Variants in GPC6 observed in about 807,000 individuals in gnomAD.
GPC6 encodes the protein glypican 6.
In GPC6, 14 loss-of-function variants were observed where a neutral mutation model predicts 55.2. The ratio of observed to expected loss-of-function variants is 0.25; its 90% CI spans 0.17 to 0.40. The LOEUF is 0.40. GPC6 is among the 10% of genes least tolerant of loss of function. GPC6 has a pLI of 1.00. For missense variants in GPC6, 641 were observed against 708.5 expected (o/e 0.90, Z 1.08); for synonymous variants, 278 against 259.6 (o/e 1.07, Z -0.68).
chr13:93,277,097 A>G (rs1877782466), intron 1 of GPC6, among the ~76,000 whole-genome samples: 1 of 152,068 alleles, frequency 6.6e-6, no homozygotes, highest in Non-Finnish European at 1.5e-5. Context: ...TCCCTGTTAC[A>G]TTTCCTATAA....
At chr13:93,780,369 G>A (rs1885600895) in intron 2 of GPC6, among the ~76,000 whole-genome samples, 1 of 151,404 alleles carries the variant, frequency 6.6e-6, no homozygotes, top group African/African-American at 2.4e-5. Flanking sequence ...ATTTGCTATT[G>A]TAAACAATTA....
intron 2 of GPC6, among the ~76,000 whole-genome samples, chr13:93,624,614 G>C (rs1158698656): frequency 6.6e-6 from 1 of 152,180 alleles, no homozygotes; most frequent in Non-Finnish European, 1.5e-5. Context: ...TAGCACTTAG[G>C]AGAAAACCAC....
intron 2 of GPC6, among the ~76,000 whole-genome samples, chr13:93,695,820 T>A (rs1423532761): frequency 3.9e-5 from 6 of 152,134 alleles, no homozygotes; most frequent in African/African-American, 1.4e-4. Context: ...AATTGGTACT[T>A]TATTTTCACT....
chr13:93,785,516 G>T (rs1030095930), intron 2 of GPC6, among the ~76,000 whole-genome samples: 1 of 152,100 alleles, frequency 6.6e-6, no homozygotes, highest in Non-Finnish European at 1.5e-5. Flanking sequence ...CGTAGATCAC[G>T]ATTTGAGAAG....
chr13:93,418,816 T>C (rs1876810081), intron 1 of GPC6, among the ~76,000 whole-genome samples: 1 of 149,850 alleles, frequency 6.7e-6, no homozygotes, highest in African/African-American at 2.5e-5. Context: ...CACTATACCA[T>C]AGCATCACTT....
intron 2 of GPC6, among the ~76,000 whole-genome samples, chr13:93,611,188 T>C (rs1239857091): frequency 6.6e-6 from 1 of 152,094 alleles, no homozygotes; most frequent in Non-Finnish European, 1.5e-5. Context: ...AATCTTTCCA[T>C]AGGGTAAAAT....
chr13:93,665,416 A>G (rs1032577580), intron 2 of GPC6, among the ~76,000 whole-genome samples: 1 of 152,202 alleles, frequency 6.6e-6, no homozygotes, highest in East Asian at 1.9e-4. Context: ...ATATAGGTCT[A>G]TAGATAACTA....
chr13:93,768,530 G>T (rs1252423336), intron 2 of GPC6, among the ~76,000 whole-genome samples: 3 of 152,128 alleles, frequency 2.0e-5, no homozygotes, highest in Non-Finnish European at 4.4e-5. Context: ...TGGGTTGAAT[G>T]AATGAATGAA....
At chr13:94,350,621 G>C (rs1878493497) in intron 6 of GPC6, among the ~76,000 whole-genome samples, 1 of 152,058 alleles carries the variant, frequency 6.6e-6, no homozygotes, top group African/African-American at 2.4e-5. Context: ...AAATACATGA[G>C]ATATGAATAT....
chr13:93,907,469 TATTCC>T (rs1876732388), intron 3 of GPC6, among the ~76,000 whole-genome samples: 3 of 152,206 alleles, frequency 2.0e-5, no homozygotes, highest in Non-Finnish European at 4.4e-5. Flanking sequence ...AAACGATCTG[TATTCC>T]TTAATCACTT....
intron 3 of GPC6, among the ~76,000 whole-genome samples, chr13:93,871,547 A>G (rs866030513): frequency 5.3e-5 from 8 of 151,996 alleles, no homozygotes; most frequent in Admixed American, 1.3e-4. Context: ...GGATTTCACA[A>G]TAACACTTCA....
intron 2 of GPC6, among the ~76,000 whole-genome samples, chr13:93,704,131 A>G (rs1369271138): frequency 6.6e-6 from 1 of 151,922 alleles, no homozygotes. Flanking sequence ...ATTACAAATT[A>G]TCCCTCGTGC....
chr13:93,868,676 T>A (rs563938521), intron 3 of GPC6, among the ~76,000 whole-genome samples: 1 of 151,996 alleles, frequency 6.6e-6, no homozygotes, highest in East Asian at 2.0e-4. Flanking sequence ...TAGAAGTATT[T>A]GTCTCACCAA....
intron 2 of GPC6, among the ~76,000 whole-genome samples, chr13:93,687,223 C>G (rs527636148): frequency 1.7e-4 from 26 of 152,062 alleles, no homozygotes; most frequent in African/African-American, 6.0e-4. Flanking sequence ...TGTTTTCTTA[C>G]AGAATTATAA....
intron 4 of GPC6, among the ~76,000 whole-genome samples, chr13:94,217,690 T>C (rs943428596): frequency 1.3e-5 from 2 of 152,216 alleles, no homozygotes; most frequent in African/African-American, 4.8e-5. Flanking sequence ...AAAGCATGTC[T>C]ACTGTATCCT....
intron 2 of GPC6, among the ~76,000 whole-genome samples, chr13:93,567,367 T>A (rs1308710682): frequency 3.3e-5 from 5 of 152,204 alleles, no homozygotes; most frequent in African/African-American, 1.2e-4. Flanking sequence ...TTAAAGATTA[T>A]TTGAAGTAGC....
intron 2 of GPC6, among the ~76,000 whole-genome samples, chr13:93,805,720 C>T (rs940209294): frequency 1.3e-5 from 2 of 152,138 alleles, no homozygotes; most frequent in African/African-American, 2.4e-5. Context: ...TGTTGATCAT[C>T]CCCTCCAATC....
intron 2 of GPC6, among the ~76,000 whole-genome samples, chr13:93,743,607 C>T (rs1453506369): frequency 1.3e-5 from 2 of 151,978 alleles, no homozygotes; most frequent in African/African-American, 4.8e-5. Flanking sequence ...TTATTGTACT[C>T]TTCTATGAGC....
At chr13:93,889,073 A>G (rs1209032945) in intron 3 of GPC6, among the ~76,000 whole-genome samples, 1 of 152,142 alleles carries the variant, frequency 6.6e-6, no homozygotes. Flanking sequence ...TATGATATTC[A>G]TTTTCTTGTA....
Sources: allele counts gnomAD v4.1 joint callset (sites outside exome capture counted in the v4.1 genomes callset), GRCh38; gene constraint gnomAD v4.1.1; transcripts MANE v1.5; gene names NCBI Gene and HGNC (gene_info 2026-07-23, HGNC 2026-07-21).